The following KLRG2 variants were observed in gnomAD, a reference collection of about 807,000 sequenced individuals.
KLRG2 encodes killer cell lectin-like receptor subfamily G member 2.
KLRG2 carries 39 observed loss-of-function variants against 35.4 expected under a neutral mutation model. The observed-to-expected ratio is 1.10, with a 90% CI of 0.85 to 1.44. The LOEUF (loss-of-function observed/expected upper bound fraction) is 1.44, where lower values mean the gene tolerates loss of function less well. Among genes scored for constraint, KLRG2 ranks in the 40% most tolerant of loss-of-function variants. The pLI, the probability that KLRG2 is intolerant of heterozygous loss-of-function variation, is 0.00. For synonymous variants in KLRG2, 283 were observed against 265.8 expected (o/e 1.06, Z -0.63); for missense variants, 632 against 570.9 (o/e 1.11, Z -1.09).
intron 3 of KLRG2, among the ~76,000 whole-genome samples, chr7:139,468,301 T>C (rs1032143887): frequency 2.6e-5 from 4 of 152,148 alleles, no homozygotes; most frequent in Non-Finnish European, 4.4e-5. Context: ...CTCTGTGTCT[T>C]TTTCTTTTCC....
At chr7:139,429,884 G>A in the KLRG2 span, among the ~76,000 whole-genome samples, 3 of 152,018 alleles carry the variant, frequency 2.0e-5, no homozygotes, top group East Asian at 3.9e-4. Flanking sequence ...ATGAGCTGTT[G>A]AGTACACCTC....
chr7:139,457,335 G>A (rs1796494640), intron 3 of KLRG2, among the ~76,000 whole-genome samples: 1 of 152,152 alleles, frequency 6.6e-6, no homozygotes, highest in African/African-American at 2.4e-5. Flanking sequence ...TCAGCTGCCT[G>A]TTTGGGAAGG....
intron 1 of KLRG2, among the ~76,000 whole-genome samples, chr7:139,480,485 G>A (rs1447829082): frequency 1.8e-4 from 22 of 119,278 alleles, no homozygotes; most frequent in Admixed American, 3.4e-4. Flanking sequence ...TTGCTTTGTC[G>A]CCCAGGTTGG....
chr7:139,446,336 G>GTTT, the KLRG2 span, among the ~76,000 whole-genome samples: 27 of 92,042 alleles, frequency 2.9e-4, no homozygotes, highest in South Asian at 4.4e-4. Flanking sequence ...ATTTTCCAGG[G>GTTT]TTTTTTTTTT....
chr7:139,469,537 C>T (rs1316698749), intron 3 of KLRG2, among the ~76,000 whole-genome samples: 2 of 152,112 alleles, frequency 1.3e-5, no homozygotes, highest in Non-Finnish European at 2.9e-5. Flanking sequence ...CCTCCGCCTC[C>T]TGGGTTCAAG....
At chr7:139,465,297 T>C (rs1161124849) in intron 3 of KLRG2, among the ~76,000 whole-genome samples, 1 of 152,196 alleles carries the variant, frequency 6.6e-6, no homozygotes, top group Non-Finnish European at 1.5e-5. Flanking sequence ...TGCACCACCA[T>C]GCTGTTATAT....
intron 3 of KLRG2, among the ~76,000 whole-genome samples, chr7:139,460,296 G>A (rs950429383): frequency 5.3e-5 from 8 of 152,230 alleles, no homozygotes; most frequent in Non-Finnish European, 1.2e-4. Flanking sequence ...CAATGTCATC[G>A]TCCTGGTCTG....
the KLRG2 span, among the ~76,000 whole-genome samples, chr7:139,436,368 G>T: frequency 6.6e-6 from 1 of 151,598 alleles, no homozygotes; most frequent in South Asian, 2.1e-4. Flanking sequence ...GCAGTCACAC[G>T]AATGTTTTAG....
At chr7:139,450,350 A>C (rs1223023079), downstream of KLRG2, among the ~76,000 whole-genome samples, 1 of 151,944 alleles carries the variant, frequency 6.6e-6, no homozygotes, top group Admixed American at 6.6e-5. Flanking sequence ...CAGCCTCCCG[A>C]GTAGCTGGGA....
the KLRG2 span, among the ~76,000 whole-genome samples, chr7:139,437,425 C>CAAA: frequency 6.8e-5 from 5 of 73,210 alleles, no homozygotes; most frequent in African/African-American, 1.2e-4. Flanking sequence ...ACTCCATCTC[C>CAAA]AAAAAAAAAA....
At chr7:139,458,830 G>C (rs1796520737) in intron 3 of KLRG2, among the ~76,000 whole-genome samples, 1 of 152,144 alleles carries the variant, frequency 6.6e-6, no homozygotes, top group Admixed American at 6.6e-5. Context: ...AGCAAAACAG[G>C]CTTCTGGGAA....
In KLRG2 at chr7:139,479,407, C is replaced by A. The variant is rs75622637; in HGVS notation, c.1005+220G>T. 2.0e-3 allele frequency among the ~76,000 whole-genome samples: 301 copies of A among 152,252 alleles called. 1 individual carries two copies. Among genetic ancestry groups the A allele is most frequent in the Non-Finnish European group, 2.8e-3 (190 of 68,002 alleles). On this transcript the variant is annotated intron_variant, in intron 3 of 4. Coordinates refer to ENST00000340940, the MANE Select transcript of KLRG2 (RefSeq NM_198508.4). ...AAAAAAAATTTTTTTTAAAGCTGGG[C>A]ATGGTGGCACATGCCTGTAGCTACC...
intron 3 of KLRG2, among the ~76,000 whole-genome samples, chr7:139,464,558 T>C (rs1217970589): frequency 6.6e-6 from 1 of 152,108 alleles, no homozygotes; most frequent in Non-Finnish European, 1.5e-5. Context: ...TCCTAAATCC[T>C]TTCCCCACTC....
the KLRG2 span, among the ~76,000 whole-genome samples, chr7:139,444,155 T>C: frequency 3.3e-5 from 5 of 152,214 alleles, no homozygotes; most frequent in African/African-American, 1.2e-4. Context: ...TGCTGGAGAC[T>C]GATTAGATGG....
chr7:139,433,253 T>G, the KLRG2 span, among the ~76,000 whole-genome samples: 1 of 152,164 alleles, frequency 6.6e-6, no homozygotes, highest in South Asian at 2.1e-4. Flanking sequence ...TACCACTACC[T>G]TGGCTTACTC....
downstream of KLRG2, among the ~76,000 whole-genome samples, chr7:139,448,169 A>AT (rs749122255): frequency 5.3e-5 from 8 of 151,340 alleles, no homozygotes; most frequent in Non-Finnish European, 8.9e-5. Context: ...CTTATTTTTT[A>AT]TTTTTTTGTA....
At chr7:139,442,187 G>C in the KLRG2 span, among the ~76,000 whole-genome samples, 5 of 152,322 alleles carry the variant, frequency 3.3e-5, no homozygotes, top group South Asian at 1.0e-3. Context: ...AGTGAACACA[G>C]GAGGTGAGGC....
the KLRG2 span, among the ~76,000 whole-genome samples, chr7:139,445,777 A>ATGTG: frequency 8.7e-6 from 1 of 115,340 alleles, no homozygotes; most frequent in African/African-American, 7.1e-5. Flanking sequence ...GTATATATAT[A>ATGTG]TATGTATATA....
chr7:139,468,563 CAG>C (rs1333777814), intron 3 of KLRG2, among the ~76,000 whole-genome samples: 1 of 152,242 alleles, frequency 6.6e-6, no homozygotes, highest in Middle Eastern at 3.4e-3. Flanking sequence ...ACTCTTTTTT[CAG>C]ACTCAGCCCG....
Sources: gnomAD v4.1 joint callset for allele counts (sites outside exome capture counted in the v4.1 genomes callset) on GRCh38, gnomAD v4.1.1 for gene constraint, MANE v1.5 for transcripts, NCBI Gene and HGNC (gene_info 2026-07-23, HGNC 2026-07-21) for gene names.